NDUFS1: variants seen among roughly 807,000 people sequenced by gnomAD.
NDUFS1 encodes NADH-ubiquinone oxidoreductase 75 kDa subunit, mitochondrial.
A neutral mutation model predicts 84.4 loss-of-function variants in NDUFS1; 61 were observed. That is an observed-to-expected ratio of 0.72 (90% CI 0.59 to 0.89). The LOEUF (loss-of-function observed/expected upper bound fraction) is 0.89. NDUFS1 is among the 40% of genes least tolerant of loss of function. The probability of loss-of-function intolerance (pLI) is 0.00; values close to 1 mark genes in which losing one functional copy is unlikely to be tolerated. For missense variants in NDUFS1, 891 were observed against 890.0 expected, an observed-to-expected ratio of 1.00 and a Z score of -0.01; for synonymous variants, 275 against 290.0, an observed-to-expected ratio of 0.95 and a Z score of 0.53.
At chr2:206,154,891 G>T (rs977745589) in intron 1 of NDUFS1, among the ~76,000 whole-genome samples, 1 of 150,704 alleles carries the variant, frequency 6.6e-6, no homozygotes, top group Non-Finnish European at 1.5e-5. Flanking sequence ...CCAAAGTGTT[G>T]GGGTTAAGGC....
At chr2:206,141,445 T>C (rs1691945644) in intron 12 of NDUFS1, among the ~76,000 whole-genome samples, 2 of 151,734 alleles carry the variant, frequency 1.3e-5, no homozygotes, top group South Asian at 2.1e-4. Context: ...GGCAGGAGAA[T>C]GGCGTGAACC....
chr2:206,144,168 C>G (rs779915335), intron 9 of NDUFS1, 36 bp from the exon 10 acceptor site: 2 of 1,460,352 alleles, frequency 1.4e-6, no homozygotes, highest in East Asian at 2.3e-5. Flanking sequence ...TGGAATCTTG[C>G]TAAAGAAGTA....
chr2:206,138,649 C>G, intron 12 of NDUFS1, 35 bp from the exon 13 acceptor site: 1 of 1,608,470 alleles, frequency 6.2e-7, no homozygotes, highest in Middle Eastern at 1.7e-4. Flanking sequence ...AAGTAAATAA[C>G]TAAGCTAAGC....
chr2:206,114,879 C>CAT lies in NDUFS1; in HGVS notation c.*9304_*9305dup, dbSNP rs1054097903. The CAT allele has an allele frequency of 6.6e-6, 1 of 152,134 alleles. No individual in the cohort carries two copies. The highest frequency in any genetic ancestry group is 2.4e-5 in the African/African-American group (1 of 41,416). The allele number at this position is 152,134 out of a possible 1,614,324, so 9.4% of individuals were successfully genotyped here. A position where few individuals can be genotyped will look rare whatever the true frequency, so the allele number is the denominator to read the frequency against. On this transcript the variant is annotated 3_prime_UTR_variant, in exon 19 of 19. Transcript: ENST00000233190. ...CTTTCCATACACACGTAAGCATATACATATATACACACACACACATTATTG... is the reference window on the plus strand; with the variant it reads ...CTTTCCATACACACGTAAGCATATACATATATATACACACACACACATTATTG...
intron 1 of NDUFS1, among the ~76,000 whole-genome samples, chr2:206,156,365 C>G (rs973564930): frequency 1.3e-4 from 19 of 147,706 alleles, no homozygotes; most frequent in African/African-American, 4.5e-4. Flanking sequence ...TTGGGTCTAA[C>G]AGTTAGAGGC....
chr2:206,135,186 T>C (rs750783589), intron 13 of NDUFS1, among the ~76,000 whole-genome samples: 50 of 151,628 alleles, frequency 3.3e-4, no homozygotes, highest in Non-Finnish European at 6.0e-4. Context: ...GCCAAGCAAA[T>C]TGGGGTTTTT....
rs182383438 is a variant in NDUFS1 at position 206,127,678 on chromosome 2, T to C, written c.1884+119A>G. 2.2e-4 allele frequency: 240 copies of C among 1,096,268 alleles called. 1 individual carries two copies. The East Asian group carries it at 5.6e-3, about 25-fold the overall frequency. The allele number at this position is 1,096,268 out of a possible 1,614,324, so 67.9% of individuals were successfully genotyped here. A position where few individuals can be genotyped will look rare whatever the true frequency, so the allele number is the denominator to read the frequency against. On this transcript the variant is annotated intron_variant, in intron 16 of 18. Transcript: ENST00000233190. ...GAATACATGTTTTCTATAGAAATTA[T>C]TCAAATCATCTCTGCATTTCAGACT...
At chr2:206,157,452 C>T (rs1383445826) in intron 1 of NDUFS1, among the ~76,000 whole-genome samples, 4 of 152,140 alleles carry the variant, frequency 2.6e-5, no homozygotes, top group Admixed American at 2.6e-4. Context: ...ATGAAAATAA[C>T]CACCAAACAG....
At chr2:206,135,022 G>GC (rs1211924920) in intron 13 of NDUFS1, among the ~76,000 whole-genome samples, 2 of 150,296 alleles carry the variant, frequency 1.3e-5, no homozygotes, top group Non-Finnish European at 3.0e-5. Context: ...GTCAAGAGTT[G>GC]TTTTTTTTTC....
chr2:206,148,658 G>A (rs533243118), intron 5 of NDUFS1, among the ~76,000 whole-genome samples: 1 of 152,080 alleles, frequency 6.6e-6, no homozygotes, highest in Admixed American at 6.6e-5. Flanking sequence ...TAACAATACC[G>A]AATGATCAAA....
At chr2:206,138,381 TG>T in intron 13 of NDUFS1, 103 bp downstream of exon 13, 1 of 1,345,408 alleles carries the variant, frequency 7.4e-7, no homozygotes, top group Non-Finnish European at 1.0e-6. Flanking sequence ...GCGCCCAACC[TG>T]GTGTAAGTTT....
At chr2:206,125,994 T>C (rs1691278973) in intron 18 of NDUFS1, among the ~76,000 whole-genome samples, 1 of 152,154 alleles carries the variant, frequency 6.6e-6, no homozygotes, top group Admixed American at 6.6e-5. Flanking sequence ...ACAAACTATA[T>C]AAAAAAATTA....
intron 18 of NDUFS1, among the ~76,000 whole-genome samples, chr2:206,125,399 T>A (rs1046211463): frequency 6.6e-6 from 1 of 151,784 alleles, no homozygotes; most frequent in African/African-American, 2.4e-5. Context: ...GAGGCAGAGG[T>A]TGCAGCAAGC....
chr2:206,127,885 G>A lies in NDUFS1; in HGVS notation c.1796C>T (p.Thr599Ile), dbSNP rs1234341715. The change falls in exon 16 of 19, where the codon ACT becomes ATT. Residue 599 changes from threonine to isoleucine, a missense_variant. By Grantham distance (89) the Thr-to-Ile change is moderately conservative (BLOSUM62 -1). Coordinates refer to ENST00000233190, the MANE Select transcript of NDUFS1 (RefSeq NM_005006.7). ...YTEKSATYVN[T>I]EGRAQQTKVA... ...CTTAGTCTGCTGAGCTCTACCCTCA[G>A]TGTTGACATATGTAGCAGACTTCTC... 5 of 1,614,034 alleles carry A rather than the reference G, an allele frequency of 3.1e-6. No individual in the cohort carries two copies. In the East Asian group the frequency reaches 1.1e-4, roughly 36 times the overall value.
chr2:206,147,639 T>G lies in NDUFS1; in HGVS notation c.443A>C (p.Asn148Thr), dbSNP rs1397609199. 6.8e-6 allele frequency: 11 copies of G among 1,614,210 alleles called. No individual in the cohort carries two copies. Among genetic ancestry groups the G allele is most frequent in the East Asian group, 2.2e-5 (1 of 44,876 alleles). ...DLQDQSMMFG[N>T]DRSRFLEGKR... The stretch of plus-strand genomic sequence containing the variant: ...CCCCTCTAAAAATCGGCTCCTATCA[T>G]TTCCAAACATCATGGACTGGTCCTT... The change falls in exon 7 of 19, where the codon AAT becomes ACT. Residue 148 changes from asparagine (N) to threonine (T), a missense_variant. Coordinates refer to ENST00000233190, the MANE Select transcript of NDUFS1 (RefSeq NM_005006.7).
rs572330299 is a variant in NDUFS1, at chr2:206,157,773, A to G, written c.-5+1568T>C. Among the ~76,000 whole-genome samples the G allele has an allele frequency of 2.6e-5, 4 of 152,336 alleles. No homozygotes were observed. In the South Asian group the frequency reaches 8.3e-4, roughly 32 times the overall value. On this transcript the variant is annotated intron_variant, in intron 1 of 18. Coordinates refer to ENST00000233190, the MANE Select transcript of NDUFS1 (RefSeq NM_005006.7). ...GAACATTGATATGCCAAGTAGCAAT[A>G]GAAATAATTATCTCTTTGGATGGAA...
intron 12 of NDUFS1, among the ~76,000 whole-genome samples, chr2:206,140,922 GTA>G (rs142969226): frequency 0.1 from 12,716 of 127,712 alleles, 686 homozygotes; most frequent in East Asian, 0.2. Context: ...TATGTAGTGT[GTA>G]TATATATATA....
rs1439423205 is a variant in NDUFS1, at chr2:206,133,122, A to C, written c.1393-17T>G. 1.9e-6 allele frequency: 3 copies of C among 1,580,818 alleles called. No homozygotes were observed. The highest frequency in any genetic ancestry group is 2.6e-6 in the Non-Finnish European group (3 of 1,159,942). On this transcript the variant is annotated splice_polypyrimidine_tract_variant and intron_variant, in intron 13 of 18. Transcript: ENST00000233190. ...CTTTAGGACCTATTTAAAAAAAAAA[A>C]CAACTTTGATTTTAAAATATTACAA... is the stretch of plus-strand genomic sequence containing the variant.
At chr2:206,147,509 A>G in intron 7 of NDUFS1, 22 bp downstream of exon 7, 1 of 1,596,914 alleles carries the variant, frequency 6.3e-7, no homozygotes, top group South Asian at 1.1e-5. Flanking sequence ...TCTATAATAG[A>G]AAAAAAAGGA....
Sources: allele counts gnomAD v4.1 joint callset (sites outside exome capture counted in the v4.1 genomes callset), GRCh38; gene constraint gnomAD v4.1.1; transcripts MANE v1.5; gene names NCBI Gene and HGNC (gene_info 2026-07-23, HGNC 2026-07-21).